Variants in AHNAK2 observed in about 807,000 individuals in gnomAD.
AHNAK2 encodes AHNAK nucleoprotein 2, also known as protein AHNAK2.
In AHNAK2, 18 loss-of-function variants were observed where a neutral mutation model predicts 30.7. The ratio of observed to expected loss-of-function variants is 0.59; its 90% CI spans 0.41 to 0.87. The LOEUF (loss-of-function observed/expected upper bound fraction) is 0.87. Among genes scored for constraint, AHNAK2 ranks in the 40% least tolerant of loss-of-function variants. The pLI is 0.00. For missense variants in AHNAK2, 8,604 were observed against 7,373.0 expected (o/e 1.17, Z -6.11); for synonymous variants, 3,590 against 3,073.8 (o/e 1.17, Z -5.56).
rs749237679 is a variant in AHNAK2, at chr14:104,940,318, C to A, written c.15133G>T (p.Val5045Leu). The change falls in exon 7 of 7, where the codon GTG becomes TTG. Residue 5045 changes from valine to leucine, a missense_variant. By Grantham distance (32) the Val-to-Leu change is conservative. Coordinates refer to ENST00000333244, the MANE Select transcript of AHNAK2 (RefSeq NM_138420.4). This position sits in a 1 kb window ranked among gnomAD's most constrained non-coding sequence, Gnocchi z 4.4. ...KSGVSLPQRD[V>L]DPSLSSATAG... ...GTGGCACTAGAAAGGGAAGGATCCACGTCTCTCTGTGGCAGGCTGACCCCA... is the reference window on the plus strand; with the variant it reads ...GTGGCACTAGAAAGGGAAGGATCCAAGTCTCTCTGTGGCAGGCTGACCCCA... 6.2e-6 allele frequency: 10 copies of A among 1,613,804 alleles called. No individual in the cohort carries two copies. The highest frequency in any genetic ancestry group is 4.4e-5 in the South Asian group (4 of 91,078).
chr14:104,943,948 C>T lies in AHNAK2; in HGVS notation c.11503G>A (p.Ala3835Thr), dbSNP rs746245492. ...TGCATGGAGGGGAGACTCACATCGGCCTCCACCTTGGGTGCAGACACGTGC... is the reference window on the plus strand; with the variant it reads ...TGCATGGAGGGGAGACTCACATCGGTCTCCACCTTGGGTGCAGACACGTGC... ...SVHVSAPKVE[A>T]DVSLPSMQGD... Residue 3835 changes from alanine to threonine, a missense_variant, in exon 7 of 7, where the codon GCC (alanine) becomes ACC (threonine). Ala to Thr is a moderately conservative substitution (Grantham distance 58). Transcript: ENST00000333244. The T allele has an allele frequency of 3.1e-6, 5 of 1,612,768 alleles. No homozygotes were observed. Among genetic ancestry groups the T allele is most frequent in the African/African-American group, 1.3e-5 (1 of 74,580 alleles).
rs547684011 is a variant in AHNAK2 at position 104,953,819 on chromosome 14, G to A, written c.1632C>T (p.Thr544=). ...CATCCCCCTGTGCTTCTGCATGTGT[G>A]GTTGGTTCCCTGCCCGGCATCCACC... ...GAGWMPGREP[T]THAEAQGDEG... Residue 544 remains threonine (T), a synonymous_variant, in exon 7 of 7, where the codon ACC becomes ACT. Transcript: ENST00000333244. 19 of 1,613,824 alleles carry A rather than the reference G, an allele frequency of 1.2e-5. No homozygotes were observed. Among genetic ancestry groups the A allele is most frequent in the Middle Eastern group, 3.3e-4 (2 of 6,084 alleles).
At chr14:104,972,663 G>C (rs73357588) in intron 1 of AHNAK2, among the ~76,000 whole-genome samples, 19,846 of 152,194 alleles carry the variant, frequency 0.13, 2,298 homozygotes, top group East Asian at 0.53. Context: ...AACACATGAC[G>C]GAGATCTCCT....
At position 104,954,072 on chromosome 14, in the gene AHNAK2, A is replaced by T; in HGVS notation, c.1379T>A (p.Ile460Asn). 1 of 1,613,110 alleles carries T rather than the reference A, an allele frequency of 6.2e-7. No individual in the cohort carries two copies. Residue 460 changes from isoleucine (I) to asparagine (N), a missense_variant, in exon 7 of 7, where the codon ATC becomes AAC. By Grantham distance (149) the Ile-to-Asn change is moderately radical. Transcript: ENST00000333244. This position sits in a 1 kb window ranked among gnomAD's most constrained non-coding sequence, Gnocchi z 4.3. ...TCTCAAGGACAGTCTGGCGATCCCG[A>T]TTTCCAGGCTCTGCAGTCCCTCGCC... ...GEGEGLQSLE[I>N]GIARLSLRDT...
rs1023838688 is a variant in AHNAK2, at chr14:104,938,057, T to A, written c.*6A>T. On this transcript the variant is annotated 3_prime_UTR_variant, in exon 7 of 7. Coordinates refer to ENST00000333244, the MANE Select transcript of AHNAK2 (RefSeq NM_138420.4). The stretch of plus-strand genomic sequence containing the variant: ...GCATCTCTCTTGTACTGATGAGCCA[T>A]ACCTCTCAGCCTTCATTTGGTCCCA... 1.9e-6 allele frequency: 3 copies of A among 1,610,730 alleles called. No homozygotes were observed. The highest frequency in any genetic ancestry group is 2.5e-6 in the Non-Finnish European group (3 of 1,177,744).
In AHNAK2 at chr14:104,946,981, C is replaced by T. The variant is rs117998121; in HGVS notation, c.8470G>A (p.Gly2824Arg). Residue 2824 changes from glycine to arginine, a missense_variant, in exon 7 of 7, where the codon GGG (glycine) becomes AGG (arginine). Transcript: ENST00000333244. ...KMPKFKMPSF[G>R]VSAPGKSIEA... ...ATGGACTTGCCTGGGGCCGACACCC[C>T]GAATGACGGCATCTTGAACTTGGGC... is the stretch of plus-strand genomic sequence containing the variant. 5,199 of 1,607,906 alleles carry T rather than the reference C, an allele frequency of 3.2e-3. 251 individuals carry two copies. The African/African-American group carries it at 0.056, about 17-fold the overall frequency.
chr14:104,964,709 G>A (rs538172999), intron 1 of AHNAK2, among the ~76,000 whole-genome samples: 7 of 152,320 alleles, frequency 4.6e-5, no homozygotes, highest in South Asian at 2.1e-4. Context: ...CGCTCGTACC[G>A]GGGGAGCCCG....
chr14:104,945,323 G>T lies in AHNAK2; in HGVS notation c.10128C>A (p.Leu3376=), dbSNP rs776005509. The T allele has an allele frequency of 6.2e-7, 1 of 1,612,936 alleles. No individual in the cohort carries two copies. Among genetic ancestry groups the T allele is most frequent in the South Asian group, 1.1e-5 (1 of 91,040 alleles). Residue 3376 remains leucine, a synonymous_variant, in exon 7 of 7, where the codon CTC becomes CTA. Coordinates refer to ENST00000333244, the MANE Select transcript of AHNAK2 (RefSeq NM_138420.4). ...EVQAGQVDVK[L]PEGHVPEGAG... is the part of the protein sequence containing the mutation. ...CTCCCTCGGGCACGTGGCCCTCCGG[G>T]AGCTTCACGTCCACCTGGCCAGCCT... is the stretch of plus-strand genomic sequence containing the variant.
In AHNAK2 at chr14:104,942,895, G is replaced by A. The variant is rs1379415453; in HGVS notation, c.12556C>T (p.Pro4186Ser). The stretch of plus-strand genomic sequence containing the variant: ...GCCTGGACCTCCAGGTCGGCGGAAG[G>A]GGACTGAATGCTGAGGTCAGTGGTC... ...LKTTDLSIQS[P>S]SADLEVQAGQ... is the part of the protein sequence containing the mutation. The change falls in exon 7 of 7, where the codon CCT (proline) becomes TCT (serine). Residue 4186 changes from proline (P) to serine (S), a missense_variant. Coordinates refer to ENST00000333244, the MANE Select transcript of AHNAK2 (RefSeq NM_138420.4). 6.2e-7 allele frequency: 1 copy of A among 1,612,992 alleles called. No homozygotes were observed. Among genetic ancestry groups the A allele is most frequent in the Non-Finnish European group, 8.5e-7 (1 of 1,179,600 alleles).
In AHNAK2 at chr14:104,942,665, G is replaced by A; in HGVS notation, c.12786C>T (p.Pro4262=). The A allele has an allele frequency of 6.2e-7, 1 of 1,613,488 alleles. No individual in the cohort carries two copies. Among genetic ancestry groups the A allele is most frequent in the Non-Finnish European group, 8.5e-7 (1 of 1,179,718 alleles). ...VMTPVVEVSL[P]SMEVDVEAPG... Reference sequence around the variant, plus strand: ...GGGCCTCGACGTCCACCTCCATGCTGGGCAGAGACACCTCCACGACGGGGG... The same window carrying A: ...GGGCCTCGACGTCCACCTCCATGCTAGGCAGAGACACCTCCACGACGGGGG... The change falls in exon 7 of 7, where the codon CCC becomes CCT. Residue 4262 remains proline (P), a synonymous_variant. Coordinates refer to ENST00000333244, the MANE Select transcript of AHNAK2 (RefSeq NM_138420.4).
rs201245309 is a variant in AHNAK2 at position 104,955,141 on chromosome 14, C to T, written c.467G>A (p.Gly156Glu). 8.7e-6 allele frequency: 14 copies of T among 1,602,784 alleles called. No individual in the cohort carries two copies. The highest frequency in any genetic ancestry group is 1.2e-5 in the Non-Finnish European group (14 of 1,175,288). Residue 156 changes from glycine (G) to glutamate (E), a missense_variant and splice_region_variant, in exon 6 of 7, where the codon GGG becomes GAG. Transcript: ENST00000333244. The part of the protein sequence containing the change: ...SAAKLFNLRE[G>E]DQLLSTTVFF... ...CACGGTTGTACTGAGCAGCTGATCC[C>T]CTAGACCAAGAAAGAGCAGCCCCAG...
Position 104,949,425 on chromosome 14 carries a change from G to A in AHNAK2, c.6026C>T (p.Ala2009Val), listed in dbSNP as rs374831628. ...GVSAPGRSIEASVDVPAPKVE... is the reference protein window; with the variant it reads ...GVSAPGRSIEVSVDVPAPKVE... ...CTTGGGTGCAGGCACATCCACCGAG[G>A]CCTCGATGGACCTCCCTGGGGCCGA... Residue 2009 changes from alanine to valine, a missense_variant, in exon 7 of 7, where the codon GCC becomes GTC. By Grantham distance (64) the Ala-to-Val change is moderately conservative. Transcript: ENST00000333244. The A allele has an allele frequency of 2.5e-5, 39 of 1,587,174 alleles. 7 individuals carry two copies. The African/African-American group carries it at 3.0e-4, about 12-fold the overall frequency.
intron 1 of AHNAK2, among the ~76,000 whole-genome samples, chr14:104,969,369 A>G (rs953756143): frequency 6.6e-6 from 1 of 152,212 alleles, no homozygotes; most frequent in South Asian, 2.1e-4. Flanking sequence ...CCTAGCCGAC[A>G]TCCCCAGCCT....
rs754152835 is a variant in AHNAK2 at position 104,942,230 on chromosome 14, C to T, written c.13221G>A (p.Lys4407=). The T allele has an allele frequency of 5.6e-6, 9 of 1,613,094 alleles. 1 individual carries two copies. The South Asian group carries it at 9.9e-5, about 18-fold the overall frequency. ...CCACCTTGGGGCCTTTCAGGTCCAG[C>T]TTGGGGACATTAACGTCTATCTGGG... The part of the protein sequence containing the change: ...KGPQIDVNVP[K]LDLKGPKVEV... The change falls in exon 7 of 7, where the codon AAG becomes AAA. Residue 4407 remains lysine, a synonymous_variant. Coordinates refer to ENST00000333244, the MANE Select transcript of AHNAK2 (RefSeq NM_138420.4).
chr14:104,946,016 C>G lies in AHNAK2; in HGVS notation c.9435G>C (p.Met3145Ile). ...DVTAKDSKFK[M>I]PKFKMPSFGV... Reference sequence around the variant, plus strand: ...CGAACGACGGCATCTTGAACTTGGGCATTTTGAACTTGCTGTCTTTGGCAG... The same window carrying G: ...CGAACGACGGCATCTTGAACTTGGGGATTTTGAACTTGCTGTCTTTGGCAG... The change falls in exon 7 of 7, where the codon ATG (methionine) becomes ATC (isoleucine). Residue 3145 changes from methionine to isoleucine, a missense_variant. Coordinates refer to ENST00000333244, the MANE Select transcript of AHNAK2 (RefSeq NM_138420.4). 6.5e-7 allele frequency: 1 copy of G among 1,548,970 alleles called. No homozygotes were observed. The highest frequency in any genetic ancestry group is 8.8e-7 in the Non-Finnish European group (1 of 1,134,994).
chr14:104,940,853 A>G lies in AHNAK2; in HGVS notation c.14598T>C (p.Tyr4866=). Residue 4866 remains tyrosine (Y), a synonymous_variant, in exon 7 of 7, where the codon TAT becomes TAC. Transcript: ENST00000333244. The surrounding 1 kb of genome is among the most constrained non-coding windows in gnomAD (Gnocchi z 4.4). ...GGACTGAAAACACAAACTTTGGTTT[A>G]TAGAATTTAGGAAAAGATACCTGAC... ...SLGQVSFPKF[Y]KPKFVFSVPQ... is the part of the protein sequence containing the mutation. 6.2e-7 allele frequency: 1 copy of G among 1,613,128 alleles called. No individual in the cohort carries two copies. The highest frequency in any genetic ancestry group is 1.1e-5 in the South Asian group (1 of 91,070).
At position 104,953,241 on chromosome 14, in the gene AHNAK2, C is replaced by A. The variant is rs367612057; in HGVS notation, c.2210G>T (p.Gly737Val). 1.9e-6 allele frequency: 3 copies of A among 1,613,062 alleles called. No homozygotes were observed. The highest frequency in any genetic ancestry group is 2.7e-5 in the African/African-American group (2 of 74,592). ...CTCCGGAAGTTTCACATCCACTTGG[C>A]CATCCTGGACCTCCAGGTCAGCGGA... is the stretch of plus-strand genomic sequence containing the variant. ...TPSADLEVQD[G>V]QVDVKLPEGP... The change falls in exon 7 of 7, where the codon GGC becomes GTC. Residue 737 changes from glycine (G) to valine (V), a missense_variant. Gly to Val is a moderately radical substitution (Grantham distance 109). Coordinates refer to ENST00000333244, the MANE Select transcript of AHNAK2 (RefSeq NM_138420.4).
At position 104,948,796 on chromosome 14, in the gene AHNAK2, C is replaced by G. The variant is rs574672419; in HGVS notation, c.6655G>C (p.Val2219Leu). The G allele has an allele frequency of 3.1e-6, 5 of 1,612,284 alleles. No homozygotes were observed. In the South Asian group the frequency reaches 3.3e-5, roughly 11 times the overall value. The change falls in exon 7 of 7, where the codon GTG becomes CTG. Residue 2219 changes from valine to leucine, a missense_variant. Coordinates refer to ENST00000333244, the MANE Select transcript of AHNAK2 (RefSeq NM_138420.4). ...DVKVQAGQVDVKLLEGPVPEE... is the reference protein window; with the variant it reads ...DVKVQAGQVDLKLLEGPVPEE... ...GGCACAGGGCCCTCCAGGAGTTTCACGTCCACCTGGCCAGCCTGGACCTTC... is the reference window on the plus strand; with the variant it reads ...GGCACAGGGCCCTCCAGGAGTTTCAGGTCCACCTGGCCAGCCTGGACCTTC...
chr14:104,957,282 C>A, intron 3 of AHNAK2, 128 bp downstream of exon 3: 2 of 855,788 alleles, frequency 2.3e-6, no homozygotes, highest in Middle Eastern at 3.6e-4. Context: ...GAGAGGACAT[C>A]TGAGTGGGCA....
Sources: allele counts gnomAD v4.1 joint callset (sites outside exome capture counted in the v4.1 genomes callset), GRCh38; gene constraint gnomAD v4.1.1; non-coding constraint Gnocchi (gnomAD v3.1); transcripts MANE v1.5; gene names NCBI Gene and HGNC (gene_info 2026-07-23, HGNC 2026-07-21).